IFFO2: variants seen among roughly 807,000 people sequenced by gnomAD.
IFFO2 encodes intermediate filament family orphan 2.
IFFO2 carries 19 observed loss-of-function variants against 53.5 expected under a neutral mutation model. That is an observed-to-expected ratio of 0.36 (90% CI 0.25 to 0.52). The LOEUF is 0.52. IFFO2 is among the 20% of genes least tolerant of loss of function. The pLI is 0.94. For missense variants in IFFO2, 570 were observed against 727.4 expected (o/e 0.78, Z 2.49); for synonymous variants, 303 against 313.6 (o/e 0.97, Z 0.36).
chr1:18,928,723 G>T lies in IFFO2; in HGVS notation c.666-7602C>A, dbSNP rs1156855803. Among the ~76,000 whole-genome samples the T allele has an allele frequency of 2.0e-5, 3 of 152,222 alleles. No individual in the cohort carries two copies. Among genetic ancestry groups the T allele is most frequent in the Non-Finnish European group, 4.4e-5 (3 of 68,034 alleles). ...TCCTGGTTCATGCCCTGGCTGCGTT[G>T]CTAATTTGCTGCATGACCCTGAGCA... On this transcript the variant is annotated intron_variant, in intron 1 of 8. Transcript: ENST00000455833. The surrounding 1 kb of genome is among the most constrained non-coding windows in gnomAD (Gnocchi z 4.9).
In IFFO2 at chr1:18,917,117, G is replaced by T; in HGVS notation, c.964-75C>A. 1 of 1,485,688 alleles carries T rather than the reference G, an allele frequency of 6.7e-7. No homozygotes were observed. Among genetic ancestry groups the T allele is most frequent in the African/African-American group, 1.4e-5 (1 of 71,852 alleles). The allele number at this position is 1,485,688 out of a possible 1,614,324, so 92.0% of individuals were successfully genotyped here. A position where few individuals can be genotyped will look rare whatever the true frequency, so the allele number is the denominator to read the frequency against. ...GGAAGGTAGGGGTGAACTGGGAAGG[G>T]AGCCGGCATCTCACAGGATGATGAG... On this transcript the variant is annotated intron_variant, in intron 4 of 8. Transcript: ENST00000455833. This position sits in a 1 kb window ranked among gnomAD's most constrained non-coding sequence, Gnocchi z 5.9.
At chr1:18,930,694 G>T (rs1030910361) in intron 1 of IFFO2, among the ~76,000 whole-genome samples, 14 of 152,168 alleles carry the variant, frequency 9.2e-5, no homozygotes, top group African/African-American at 2.7e-4. Context: ...GGCATTTAAG[G>T]GTATTCACCC....
chr1:18,913,531 G>A (rs1019972110), intron 5 of IFFO2, among the ~76,000 whole-genome samples: 1 of 152,232 alleles, frequency 6.6e-6, no homozygotes, highest in Non-Finnish European at 1.5e-5. Flanking sequence ...AGGAGCCTTG[G>A]CCCCAGCGGG....
chr1:18,917,672 G>T lies in IFFO2; in HGVS notation c.964-630C>A, dbSNP rs1936152626. ...AGCGACAACACACCGTATTGCCCTG[G>T]GCTCAAGCAAAAGCCAAACCACAAC... On this transcript the variant is annotated intron_variant, in intron 4 of 8. Coordinates refer to ENST00000455833, the MANE Select transcript of IFFO2 (RefSeq NM_001136265.2). This position sits in a 1 kb window ranked among gnomAD's most constrained non-coding sequence, Gnocchi z 5.9. Among the ~76,000 whole-genome samples, 3 of 152,274 alleles carry T rather than the reference G, an allele frequency of 2.0e-5. 1 individual carries two copies. The Middle Eastern group carries it at 0.01, about 518-fold the overall frequency.
At chr1:18,937,513 C>T (rs980542143) in intron 1 of IFFO2, among the ~76,000 whole-genome samples, 1 of 152,166 alleles carries the variant, frequency 6.6e-6, no homozygotes, top group South Asian at 2.1e-4. Context: ...AAGAGTGTTC[C>T]TCCCAACTAC....
At chr1:18,910,199 A>G in intron 8 of IFFO2, 143 bp downstream of exon 8, 2 of 936,908 alleles carry the variant, frequency 2.1e-6, no homozygotes, top group Non-Finnish European at 3.2e-6. Flanking sequence ...GGATGGATGG[A>G]TGGATGGATG....
In IFFO2 at chr1:18,905,499, A is replaced by C. The variant is rs968249453; in HGVS notation, c.*3062T>G. 1 of 149,716 alleles carries C rather than the reference A, an allele frequency of 6.7e-6. No homozygotes were observed. Among genetic ancestry groups the C allele is most frequent in the Non-Finnish European group, 1.5e-5 (1 of 67,546 alleles). 9.3% of individuals were successfully genotyped at this position (149,716 alleles called of 1,614,324 possible). A position where few individuals can be genotyped will look rare whatever the true frequency, so the allele number is the denominator to read the frequency against. ...TACATCTTATATTCTCCCCCACCCC[A>C]CCCCCTCTCCTCCCACTCCAAGCTT... On this transcript the variant is annotated 3_prime_UTR_variant, in exon 9 of 9. Coordinates refer to ENST00000455833, the MANE Select transcript of IFFO2 (RefSeq NM_001136265.2).
rs926132667 is a variant in IFFO2, at chr1:18,936,538, G to A, written c.666-15417C>T. On this transcript the variant is annotated intron_variant, in intron 1 of 8. Coordinates refer to ENST00000455833, the MANE Select transcript of IFFO2 (RefSeq NM_001136265.2). The surrounding 1 kb of genome is among the most constrained non-coding windows in gnomAD (Gnocchi z 4.5). Reference sequence around the variant, plus strand: ...GCCCAGGAGAGTGTGGGGGCCCCCAGGCCCAGGGTTATGTTTACAGCTTTG... The same window carrying A: ...GCCCAGGAGAGTGTGGGGGCCCCCAAGCCCAGGGTTATGTTTACAGCTTTG... Among the ~76,000 whole-genome samples, 3 of 152,198 alleles carry A rather than the reference G, an allele frequency of 2.0e-5. No individual in the cohort carries two copies. The highest frequency in any genetic ancestry group is 4.4e-5 in the Non-Finnish European group (3 of 68,038).
intron 1 of IFFO2, among the ~76,000 whole-genome samples, chr1:18,922,882 C>T (rs1236346371): frequency 1.3e-5 from 2 of 152,030 alleles, no homozygotes; most frequent in Admixed American, 6.5e-5. Flanking sequence ...CACCTCTCAC[C>T]GAGAAGAGCA....
At chr1:18,923,075 C>G (rs888569289) in intron 1 of IFFO2, among the ~76,000 whole-genome samples, 1 of 152,216 alleles carries the variant, frequency 6.6e-6, no homozygotes, top group Non-Finnish European at 1.5e-5. Context: ...ATTCCAAAGC[C>G]GCTGAGCAGG....
intron 1 of IFFO2, among the ~76,000 whole-genome samples, chr1:18,925,779 T>C (rs1936274754): frequency 2.0e-5 from 3 of 149,560 alleles, no homozygotes; most frequent in African/African-American, 4.9e-5. Context: ...GATGGATGGA[T>C]GGATTGGTTG....
At chr1:18,909,772 C>CT (rs149958014) in intron 8 of IFFO2, among the ~76,000 whole-genome samples, 9,984 of 151,478 alleles carry the variant, frequency 0.066, 518 homozygotes, top group African/African-American at 0.13. Flanking sequence ...TCAGGCATTT[C>CT]TTTTTTTTTG....
At chr1:18,934,399 T>C (rs1002797112) in intron 1 of IFFO2, among the ~76,000 whole-genome samples, 12 of 151,896 alleles carry the variant, frequency 7.9e-5, no homozygotes, top group Non-Finnish European at 1.6e-4. Flanking sequence ...CATAATATCC[T>C]CAAGGTTCAT....
At chr1:18,915,736 C>T (rs574244575) in intron 5 of IFFO2, among the ~76,000 whole-genome samples, 1 of 152,268 alleles carries the variant, frequency 6.6e-6, no homozygotes, top group Non-Finnish European at 1.5e-5. Flanking sequence ...CCCCTCCAAG[C>T]GAACATCAGG....
At position 18,928,518 on chromosome 1, in the gene IFFO2, C is replaced by T. The variant is rs1375826158; in HGVS notation, c.666-7397G>A. ...TGAGAAGCCACTAATCAAGTGTGCC[C>T]CCAGAACACTGCCACCCACACAGAC... On this transcript the variant is annotated intron_variant, in intron 1 of 8. Coordinates refer to ENST00000455833, the MANE Select transcript of IFFO2 (RefSeq NM_001136265.2). The surrounding 1 kb of genome is among the most constrained non-coding windows in gnomAD (Gnocchi z 4.9). Among the ~76,000 whole-genome samples, 1 of 152,148 alleles carries T rather than the reference C, an allele frequency of 6.6e-6. No homozygotes were observed. The highest frequency in any genetic ancestry group is 1.5e-5 in the Non-Finnish European group (1 of 68,020).
At chr1:18,915,219 T>C (rs1936114138) in intron 5 of IFFO2, among the ~76,000 whole-genome samples, 1 of 152,110 alleles carries the variant, frequency 6.6e-6, no homozygotes, top group Non-Finnish European at 1.5e-5. Context: ...GAGTGAGCTC[T>C]GGACTATGGA....
intron 1 of IFFO2, among the ~76,000 whole-genome samples, chr1:18,944,147 T>C (rs1318789753): frequency 6.6e-6 from 1 of 152,102 alleles, no homozygotes; most frequent in East Asian, 1.9e-4. Context: ...TATAAAATGG[T>C]CGTGAATATG....
chr1:18,924,774 G>A (rs777202614), intron 1 of IFFO2, among the ~76,000 whole-genome samples: 6 of 152,196 alleles, frequency 3.9e-5, no homozygotes, highest in Admixed American at 1.3e-4. Context: ...GAGCTGTTCT[G>A]TTGGCTGGGG....
chr1:18,954,817 C>A (rs4912129), intron 1 of IFFO2, among the ~76,000 whole-genome samples: 41,551 of 152,234 alleles, frequency 0.27, 6,863 homozygotes, highest in East Asian at 0.49. Flanking sequence ...GACCCCAGTT[C>A]TAGCCAGAGA....
Sources: gnomAD v4.1 joint callset for allele counts (sites outside exome capture counted in the v4.1 genomes callset) on GRCh38, gnomAD v4.1.1 for gene constraint, Gnocchi (gnomAD v3.1) non-coding constraint, MANE v1.5 for transcripts, NCBI Gene and HGNC (gene_info 2026-07-23, HGNC 2026-07-21) for gene names.